The following GTPBP10 variants were observed in gnomAD, a reference collection of about 807,000 sequenced individuals.
GTPBP10 encodes GTP binding protein 10.
GTPBP10 carries 38 observed loss-of-function variants against 44.8 expected under a neutral mutation model. That is an observed-to-expected ratio of 0.85 (90% CI 0.65 to 1.11). GTPBP10 has a LOEUF of 1.11. Among genes scored for constraint, GTPBP10 ranks in the 50% most tolerant of loss-of-function variants. GTPBP10 has a pLI of 0.00. For synonymous variants in GTPBP10, 152 were observed against 150.6 expected (o/e 1.01, Z -0.07); for missense variants, 462 against 453.7 (o/e 1.02, Z -0.17).
chr7:90,350,017 A>G (rs1461653496), intron 1 of GTPBP10, among the ~76,000 whole-genome samples: 3 of 151,844 alleles, frequency 2.0e-5, no homozygotes, highest in Admixed American at 6.6e-5. Context: ...GGTTTGCTGC[A>G]CCCATTAACT....
chr7:90,354,433 C>CAT (rs767503119), intron 2 of GTPBP10, 25 bp from the exon 3 acceptor site: 3 of 1,238,506 alleles, frequency 2.4e-6, no homozygotes, highest in East Asian at 2.4e-5. Flanking sequence ...CACATACATA[C>CAT]ATATATATAC....
intron 4 of GTPBP10, among the ~76,000 whole-genome samples, chr7:90,361,638 G>T (rs1270077852): frequency 1.3e-5 from 2 of 152,196 alleles, no homozygotes; most frequent in Admixed American, 1.3e-4. Flanking sequence ...GATGATGCTG[G>T]CCTCATAAAA....
At chr7:90,378,098 T>C (rs1464302677) in intron 7 of GTPBP10, 36 bp from the exon 8 acceptor site, 2 of 1,576,378 alleles carry the variant, frequency 1.3e-6, no homozygotes, top group Non-Finnish European at 1.7e-6. Context: ...ATTCTTCGTA[T>C]GTTAAAGGCT....
chr7:90,355,126 A>G lies in GTPBP10; in HGVS notation c.360A>G (p.Gln120=), dbSNP rs750288694. 5 of 1,600,508 alleles carry G rather than the reference A, an allele frequency of 3.1e-6. No homozygotes were observed. The highest frequency in any genetic ancestry group is 4.3e-6 in the Non-Finnish European group (5 of 1,170,184). Residue 120 remains glutamine (Q), a synonymous_variant, in exon 4 of 10, where the codon CAA becomes CAG. Coordinates refer to ENST00000222511, the MANE Select transcript of GTPBP10 (RefSeq NM_033107.4). ...NKENDRILVA[Q]GGLGGKLLTN... ...AAAATGACAGAATTTTGGTAGCTCA[A>G]GGAGGTCTTGGTGGTAAATTACTTA...
intron 5 of GTPBP10, 80 bp from the exon 6 acceptor site, chr7:90,374,222 T>G (rs1584643509): frequency 2.2e-6 from 2 of 894,726 alleles, no homozygotes; most frequent in Non-Finnish European, 3.7e-6. Context: ...ATATTGTTTA[T>G]GCATAATACC....
At position 90,352,812 on chromosome 7, in the gene GTPBP10, T is replaced by A. The variant is rs1795816514; in HGVS notation, c.34-4T>A. On this transcript the variant is annotated splice_region_variant and splice_polypyrimidine_tract_variant and intron_variant, in intron 1 of 9. Transcript: ENST00000222511. ...ACAAATATTCTTTCTCTTTTTTTTT[T>A]AAGTATGGAAATTTCATCGATAAGC... is the stretch of plus-strand genomic sequence containing the variant. The A allele has an allele frequency of 1.9e-6, 3 of 1,580,014 alleles. No individual in the cohort carries two copies. The East Asian group carries it at 6.7e-5, about 35-fold the overall frequency.
rs963912594 is a variant in GTPBP10, at chr7:90,359,828, C to T, written c.464+4598C>T. On this transcript the variant is annotated intron_variant, in intron 4 of 9. Transcript: ENST00000222511. ...TGTTGTTTCCTGACTTTTTAAGGATCGCCATTCTAACTGGTGTGAGATGGT... is the reference window on the plus strand; with the variant it reads ...TGTTGTTTCCTGACTTTTTAAGGATTGCCATTCTAACTGGTGTGAGATGGT... Among the ~76,000 whole-genome samples the T allele has an allele frequency of 6.3e-4, 96 of 152,298 alleles. 1 individual carries two copies. Among genetic ancestry groups the T allele is most frequent in the African/African-American group, 2.2e-3 (92 of 41,570 alleles).
rs376247408 is a variant in GTPBP10, at chr7:90,354,462, A to G, written c.232A>G (p.Ser78Gly). The G allele has an allele frequency of 5.8e-6, 9 of 1,544,002 alleles. No homozygotes were observed. The African/African-American group carries it at 1.3e-4, about 21-fold the overall frequency. ...VAGVGANSKI[S>G]ALKGSKGKDC... ...TATATACTTTTTTTTTGGTAGAATT[A>G]GTGCACTGAAAGGCTCCAAAGGAAA... The change falls in exon 3 of 10, where the codon AGT becomes GGT. Residue 78 changes from serine to glycine, a missense_variant. Transcript: ENST00000222511.
At chr7:90,375,976 C>T (rs1007294948) in intron 6 of GTPBP10, among the ~76,000 whole-genome samples, 6 of 151,550 alleles carry the variant, frequency 4.0e-5, no homozygotes, top group Admixed American at 3.9e-4. Context: ...CCTGTAATCC[C>T]AGCACTTTGG....
At chr7:90,354,941 T>G (rs1445893788) in intron 3 of GTPBP10, 145 bp from the exon 4 acceptor site, 1 of 483,184 alleles carries the variant, frequency 2.1e-6, no homozygotes, top group Non-Finnish European at 3.6e-6. Flanking sequence ...TTTTTGAAAG[T>G]AAAATATTAC....
At chr7:90,354,218 G>A (rs115797372) in intron 2 of GTPBP10, among the ~76,000 whole-genome samples, 334 of 152,190 alleles carry the variant, frequency 2.2e-3, no homozygotes, top group African/African-American at 7.5e-3. Flanking sequence ...GACCTTTGGT[G>A]GTTAGCTTAG....
chr7:90,366,090 A>G (rs928707488), intron 4 of GTPBP10, among the ~76,000 whole-genome samples: 3 of 152,250 alleles, frequency 2.0e-5, no homozygotes, highest in Non-Finnish European at 4.4e-5. Context: ...ACATTGAACC[A>G]GCCTTGCATC....
At chr7:90,355,322 A>C (rs1795875640) in intron 4 of GTPBP10, 92 bp downstream of exon 4, 3 of 838,160 alleles carry the variant, frequency 3.6e-6, no homozygotes, top group Non-Finnish European at 5.3e-6. Context: ...GGCCATAATT[A>C]TTTCTAATTT....
rs1212786287 is a variant in GTPBP10, at chr7:90,387,924, A to G, written c.*2770A>G. The G allele has an allele frequency of 2.0e-5, 3 of 152,216 alleles. No homozygotes were observed. The highest frequency in any genetic ancestry group is 1.9e-4 in the East Asian group (1 of 5,196). 9.4% of individuals were successfully genotyped at this position (152,216 alleles called of 1,614,324 possible). ...GTTTTCTAAATGTAAACAAGTATCA[A>G]TGTAAGGACAGTTTCATCAGGTGAA... On this transcript the variant is annotated 3_prime_UTR_variant, in exon 10 of 10. Transcript: ENST00000222511.
chr7:90,360,834 C>T (rs911918972), intron 4 of GTPBP10, among the ~76,000 whole-genome samples: 7 of 152,010 alleles, frequency 4.6e-5, no homozygotes, highest in African/African-American at 1.4e-4. Flanking sequence ...GTTTGTGGTT[C>T]TTGAAGAGGT....
intron 4 of GTPBP10, among the ~76,000 whole-genome samples, chr7:90,355,546 TA>T (rs1795880325): frequency 6.6e-6 from 1 of 152,154 alleles, no homozygotes; most frequent in Non-Finnish European, 1.5e-5. Context: ...CAGATATTAA[TA>T]ATAAATCCAA....
At chr7:90,378,344 A>T in intron 8 of GTPBP10, 133 bp downstream of exon 8, 1 of 1,178,750 alleles carries the variant, frequency 8.5e-7, no homozygotes. Context: ...AATTACTTAA[A>T]CTTGTTGTCT....
intron 4 of GTPBP10, among the ~76,000 whole-genome samples, chr7:90,355,539 A>G (rs1330233746): frequency 2.0e-5 from 3 of 152,226 alleles, no homozygotes. Flanking sequence ...ATGTTACCAG[A>G]TATTAATAAT....
intron 4 of GTPBP10, among the ~76,000 whole-genome samples, chr7:90,355,693 A>G (rs1034551054): frequency 7.1e-6 from 1 of 141,664 alleles, no homozygotes; most frequent in Non-Finnish European, 1.5e-5. Context: ...GACAATCTCA[A>G]TCCTCAGACT....
Sources: gnomAD v4.1 joint callset for allele counts (sites outside exome capture counted in the v4.1 genomes callset) on GRCh38, gnomAD v4.1.1 for gene constraint, MANE v1.5 for transcripts, NCBI Gene and HGNC (gene_info 2026-07-23, HGNC 2026-07-21) for gene names.